The following PRKCE variants were observed in gnomAD, a reference collection of about 807,000 sequenced individuals.
The protein encoded by PRKCE is protein kinase C epsilon type.
Under a neutral mutation model 85.4 loss-of-function variants are expected in PRKCE, and 16 were observed. The observed-to-expected ratio is 0.19, with a 90% CI of 0.13 to 0.28. The LOEUF is 0.28. Ranked by LOEUF, PRKCE falls within the 10% of genes least tolerant of loss-of-function variation. The pLI is 1.00. For missense variants in PRKCE, 573 were observed against 975.2 expected (o/e 0.59, Z 5.49); for synonymous variants, 388 against 371.5 (o/e 1.04, Z -0.51).
At chr2:45,971,545 C>T (rs1457765756) in intron 2 of PRKCE, among the ~76,000 whole-genome samples, 1 of 152,214 alleles carries the variant, frequency 6.6e-6, no homozygotes, top group Admixed American at 6.5e-5. Flanking sequence ...TTTACTTAGT[C>T]ATCTGTGTAA....
Position 45,731,414 on chromosome 2 carries a change from A to G in PRKCE, c.348+78966A>G, listed in dbSNP as rs147160931. Among the ~76,000 whole-genome samples, 336 of 152,192 alleles carry G rather than the reference A, an allele frequency of 2.2e-3. 1 individual carries two copies. Among genetic ancestry groups the G allele is most frequent in the African/African-American group, 7.9e-3 (327 of 41,534 alleles). On this transcript the variant is annotated intron_variant, in intron 1 of 14. Transcript: ENST00000306156. ...GAGATGCCAAAAAAGAAGTGGGGAG[A>G]TGGAGTAAAAATCATTTGTCTGGAG... is the stretch of plus-strand genomic sequence containing the variant.
At chr2:45,954,867 T>A (rs184734104) in intron 2 of PRKCE, among the ~76,000 whole-genome samples, 128 of 152,324 alleles carry the variant, frequency 8.4e-4, no homozygotes, top group African/African-American at 2.9e-3. Flanking sequence ...AGCTGTTAAG[T>A]GGATGAATTA....
intron 2 of PRKCE, among the ~76,000 whole-genome samples, chr2:45,885,002 TTTGTTG>T: frequency 1.0e-5 from 1 of 97,666 alleles, no homozygotes; most frequent in Non-Finnish European, 2.1e-5. Flanking sequence ...TATATATATA[TTTGTTG>T]TTGTTGTTGT....
At position 46,184,462 on chromosome 2, in the gene PRKCE, C is replaced by A. The variant is rs1010356189; in HGVS notation, c.2068-273C>A. 6.6e-6 allele frequency among the ~76,000 whole-genome samples: 1 copy of A among 151,316 alleles called. No homozygotes were observed. The highest frequency in any genetic ancestry group is 2.4e-5 in the African/African-American group (1 of 41,234). On this transcript the variant is annotated intron_variant, in intron 14 of 14. Coordinates refer to ENST00000306156, the MANE Select transcript of PRKCE (RefSeq NM_005400.3). This position sits in a 1 kb window ranked among gnomAD's most constrained non-coding sequence, Gnocchi z 5.0. ...ACACACACACACACACACACACACA[C>A]GTCTGTGGGAATCCCACTTCCCTGC...
chr2:46,089,849 C>T (rs1669993881), intron 11 of PRKCE, among the ~76,000 whole-genome samples: 1 of 152,166 alleles, frequency 6.6e-6, no homozygotes, highest in South Asian at 2.1e-4. Flanking sequence ...TTAGGCACTC[C>T]AAATTACTTG....
chr2:45,677,800 G>A, intron 1 of PRKCE: 4 of 978,002 alleles, frequency 4.1e-6, no homozygotes, highest in Non-Finnish European at 4.9e-6. Flanking sequence ...AAAGGCAATT[G>A]CTTTAGATCG....
chr2:45,723,878 C>A (rs34548923), intron 1 of PRKCE, among the ~76,000 whole-genome samples: 4 of 152,124 alleles, frequency 2.6e-5, no homozygotes, highest in Non-Finnish European at 4.4e-5. Flanking sequence ...GCTGGGATTA[C>A]AAAGGTGAGC....
chr2:46,036,083 G>T (rs190486155), intron 10 of PRKCE, among the ~76,000 whole-genome samples: 1 of 152,176 alleles, frequency 6.6e-6, no homozygotes, highest in Non-Finnish European at 1.5e-5. Flanking sequence ...TGGAGGAGCC[G>T]GCCACTCATA....
intron 2 of PRKCE, among the ~76,000 whole-genome samples, chr2:45,870,422 G>A (rs1693998652): frequency 6.6e-6 from 1 of 152,178 alleles, no homozygotes. Flanking sequence ...GTATAACTGG[G>A]GGGAGAACCT....
chr2:45,934,482 C>G (rs1478580959), intron 2 of PRKCE, among the ~76,000 whole-genome samples: 1 of 152,036 alleles, frequency 6.6e-6, no homozygotes. Context: ...AACCCCATCT[C>G]TACTAAAAAT....
chr2:45,865,818 T>TTCTTCTTC (rs71416115), intron 2 of PRKCE, among the ~76,000 whole-genome samples: 7 of 83,624 alleles, frequency 8.4e-5, no homozygotes, highest in Non-Finnish European at 1.3e-4. Flanking sequence ...TCTTCTTCTT[T>TTCTTCTTC]TTTTTTTTTT....
At chr2:45,799,028 T>C (rs1687655505) in intron 1 of PRKCE, among the ~76,000 whole-genome samples, 1 of 151,992 alleles carries the variant, frequency 6.6e-6, no homozygotes, top group Non-Finnish European at 1.5e-5. Flanking sequence ...TAGCCGGGCA[T>C]GGTGGTGGGC....
At chr2:45,663,967 A>G (rs1431290832) in intron 1 of PRKCE, among the ~76,000 whole-genome samples, 2 of 152,248 alleles carry the variant, frequency 1.3e-5, no homozygotes, top group Non-Finnish European at 2.9e-5. Flanking sequence ...TCATTCATTA[A>G]TCTATCCATT....
At chr2:46,090,473 G>A (rs999431030) in intron 11 of PRKCE, among the ~76,000 whole-genome samples, 2 of 152,130 alleles carry the variant, frequency 1.3e-5, no homozygotes, top group Non-Finnish European at 1.5e-5. Context: ...CCACCTGAGA[G>A]TGCTTACCTA....
intron 10 of PRKCE, among the ~76,000 whole-genome samples, chr2:46,067,607 G>A (rs1558415943): frequency 6.6e-6 from 1 of 152,232 alleles, no homozygotes; most frequent in Non-Finnish European, 1.5e-5. Flanking sequence ...AGAGTTCTGA[G>A]CAAAAGAAGA....
chr2:46,046,964 G>C (rs1708559905), intron 10 of PRKCE, among the ~76,000 whole-genome samples: 1 of 152,180 alleles, frequency 6.6e-6, no homozygotes, highest in African/African-American at 2.4e-5. Context: ...ATCATGCACA[G>C]GAGGACACTG....
In PRKCE at chr2:46,051,038, A is replaced by G. The variant is rs565542494; in HGVS notation, c.1438-35170A>G. Among the ~76,000 whole-genome samples the G allele has an allele frequency of 2.7e-4, 41 of 152,274 alleles. 1 individual carries two copies. In the South Asian group the frequency reaches 8.1e-3, roughly 30 times the overall value. On this transcript the variant is annotated intron_variant, in intron 10 of 14. Coordinates refer to ENST00000306156, the MANE Select transcript of PRKCE (RefSeq NM_005400.3). The stretch of plus-strand genomic sequence containing the variant: ...AATGAGAGAGGGAAAGGAAGAAGAA[A>G]GACAATATGTGCATCGTGTCAGGTG...
At chr2:45,997,697 C>T (rs1704333288) in intron 6 of PRKCE, among the ~76,000 whole-genome samples, 1 of 152,072 alleles carries the variant, frequency 6.6e-6, no homozygotes, top group Non-Finnish European at 1.5e-5. Context: ...CAGGCATACG[C>T]CACCACACCT....
intron 10 of PRKCE, among the ~76,000 whole-genome samples, chr2:46,061,437 C>T (rs111274903): frequency 1.4e-4 from 5 of 36,952 alleles, no homozygotes; most frequent in East Asian, 5.9e-4. Flanking sequence ...TCTTTTTTTT[C>T]CCCCCTATAA....
Sources: gnomAD v4.1 joint callset for allele counts (sites outside exome capture counted in the v4.1 genomes callset) on GRCh38, gnomAD v4.1.1 for gene constraint, Gnocchi (gnomAD v3.1) non-coding constraint, MANE v1.5 for transcripts, NCBI Gene and HGNC (gene_info 2026-07-23, HGNC 2026-07-21) for gene names.